AFF4: variants seen among roughly 807,000 people sequenced by gnomAD.
AFF4 encodes the protein ALF transcription elongation factor 4, also known as AF4/FMR2 family member 4.
A neutral mutation model predicts 124.8 loss-of-function variants in AFF4; 13 were observed. The ratio of observed to expected loss-of-function variants is 0.10; its 90% confidence interval spans 0.07 to 0.17. The LOEUF (loss-of-function observed/expected upper bound fraction) is 0.17, where lower values mean the gene tolerates loss of function less well. Among genes scored for constraint, AFF4 ranks in the 10% least tolerant of loss-of-function variants. AFF4 has a pLI of 1.00. For synonymous variants in AFF4, 477 were observed against 496.1 expected (o/e 0.96, Z 0.51); for missense variants, 1,092 against 1,403.8 (o/e 0.78, Z 3.55).
intron 5 of AFF4, chr5:132,926,123 GAAC>G: frequency 3.2e-6 from 1 of 315,672 alleles, no homozygotes; most frequent in Non-Finnish European, 6.4e-6. Flanking sequence ...GAAAGATACA[GAAC>G]AATATATTTG....
intron 7 of AFF4, chr5:132,901,066 G>C: frequency 1.0e-6 from 1 of 985,282 alleles, no homozygotes; most frequent in Non-Finnish European, 1.2e-6. Context: ...CAATTAAACA[G>C]AACAGGGAAA....
intron 19 of AFF4, among the ~76,000 whole-genome samples, chr5:132,883,887 C>T (rs536256727): frequency 2.6e-5 from 4 of 152,240 alleles, no homozygotes; most frequent in East Asian, 3.9e-4. Context: ...TCCATCTGTT[C>T]GGGCATATAA....
At chr5:132,908,770 A>C (rs1043161331) in intron 5 of AFF4, among the ~76,000 whole-genome samples, 1 of 100,844 alleles carries the variant, frequency 9.9e-6, no homozygotes, top group Non-Finnish European at 2.0e-5. Flanking sequence ...ATATATATAT[A>C]TATATATTTT....
Position 132,934,686 on chromosome 5 carries a change from A to G in AFF4, c.379T>C (p.Leu127=). ...TSQSQKRSSG[L]QSGHSSQRTS... is the part of the protein sequence containing the mutation. ...CGCTGGCTACTATGTCCACTCTGTA[A>G]GCCTGAGGACCGTTTCTGAGACTGA... The change falls in exon 3 of 21, where the codon TTA becomes CTA. Residue 127 remains leucine (L), a synonymous_variant. Coordinates refer to ENST00000265343, the MANE Select transcript of AFF4 (RefSeq NM_014423.4). 1 of 1,614,130 alleles carries G rather than the reference A, an allele frequency of 6.2e-7. No homozygotes were observed. Among genetic ancestry groups the G allele is most frequent in the Non-Finnish European group, 8.5e-7 (1 of 1,180,024 alleles).
At chr5:132,915,167 C>G (rs1180371636) in intron 5 of AFF4, among the ~76,000 whole-genome samples, 2 of 152,076 alleles carry the variant, frequency 1.3e-5, no homozygotes, top group East Asian at 3.9e-4. Flanking sequence ...CAGTGAAACC[C>G]TGTCTCTACT....
At chr5:132,927,326 T>A in intron 4 of AFF4, 119 bp from the exon 5 acceptor site, 1 of 786,032 alleles carries the variant, frequency 1.3e-6, no homozygotes, top group East Asian at 2.8e-5. Context: ...AAATTCTACA[T>A]ACTTAGTCAA....
intron 1 of AFF4, among the ~76,000 whole-genome samples, chr5:132,961,755 G>A (rs545398855): frequency 1.3e-5 from 2 of 152,110 alleles, no homozygotes; most frequent in East Asian, 1.9e-4. Context: ...CCCACTTGAA[G>A]CAAAATTTTA....
At chr5:132,933,818 C>A (rs1761356337) in intron 3 of AFF4, among the ~76,000 whole-genome samples, 1 of 152,046 alleles carries the variant, frequency 6.6e-6, no homozygotes, top group Non-Finnish European at 1.5e-5. Context: ...TGTTTTTAAA[C>A]AACAACAAAG....
At chr5:132,959,720 T>G (rs1762038004) in intron 1 of AFF4, among the ~76,000 whole-genome samples, 1 of 151,098 alleles carries the variant, frequency 6.6e-6, no homozygotes, top group Admixed American at 6.6e-5. Flanking sequence ...CCAAGAAGGG[T>G]ATGTATAGGG....
chr5:132,899,792 G>C (rs1041334366), intron 7 of AFF4, 151 bp from the exon 8 acceptor site: 2 of 571,246 alleles, frequency 3.5e-6, no homozygotes, highest in Admixed American at 3.0e-5. Flanking sequence ...TATTCTATCT[G>C]GTTTGGTTCA....
chr5:132,892,031 A>T, intron 13 of AFF4, 133 bp downstream of exon 13: 1 of 1,310,816 alleles, frequency 7.6e-7, no homozygotes, highest in Non-Finnish European at 1.1e-6. Context: ...GGATTATTAC[A>T]TATAGAGGGT....
intron 1 of AFF4, among the ~76,000 whole-genome samples, chr5:132,953,263 CA>C (rs1415659534): frequency 1.3e-5 from 2 of 151,706 alleles, no homozygotes; most frequent in Non-Finnish European, 2.9e-5. Flanking sequence ...TTTTTAGAGA[CA>C]GGGTCTCAGT....
intron 1 of AFF4, among the ~76,000 whole-genome samples, chr5:132,948,253 G>C (rs1426057250): frequency 6.6e-6 from 1 of 152,190 alleles, no homozygotes; most frequent in East Asian, 1.9e-4. Flanking sequence ...GTTTCACCAT[G>C]TTGGCCAAGA....
intron 18 of AFF4, 53 bp from the exon 19 acceptor site, chr5:132,885,172 A>G: frequency 7.3e-7 from 1 of 1,376,736 alleles, no homozygotes; most frequent in South Asian, 1.3e-5. Flanking sequence ...CACTACTTTA[A>G]GAAGTTCTAA....
At chr5:132,956,397 A>G (rs1452568187) in intron 1 of AFF4, among the ~76,000 whole-genome samples, 1 of 152,056 alleles carries the variant, frequency 6.6e-6, no homozygotes, top group East Asian at 1.9e-4. Flanking sequence ...TTGGAAGGCT[A>G]AGGCAGGTGG....
At chr5:132,881,987 T>C (rs1759993714) in intron 20 of AFF4, among the ~76,000 whole-genome samples, 1 of 152,034 alleles carries the variant, frequency 6.6e-6, no homozygotes. Context: ...TTTTTATAAA[T>C]ACAGCTTTAT....
chr5:132,885,115 G>T lies in AFF4; in HGVS notation c.3104C>A (p.Ser1035Tyr). 6.3e-7 allele frequency: 1 copy of T among 1,592,804 alleles called. No homozygotes were observed. Among genetic ancestry groups the T allele is most frequent in the Non-Finnish European group, 8.5e-7 (1 of 1,170,276 alleles). ...CGATGGTGCTTGAGAATTATTATAA[G>T]AATTCTGTGGAAAAAGTAAAATGTA... The part of the protein sequence containing the change: ...SKTLTEHLKN[S>Y]YNNSQAPSPG... The change falls in exon 19 of 21, where the codon TCT (serine) becomes TAT (tyrosine). Residue 1035 changes from serine to tyrosine, a missense_variant. Around this residue, in one of 11 missense-constraint regions of AFF4, gnomAD observed 173 missense variants for 294.9 expected, o/e 0.59. Coordinates refer to ENST00000265343, the MANE Select transcript of AFF4 (RefSeq NM_014423.4).
At chr5:132,906,289 C>T (rs1015891417) in intron 5 of AFF4, among the ~76,000 whole-genome samples, 3 of 152,148 alleles carry the variant, frequency 2.0e-5, no homozygotes, top group East Asian at 1.9e-4. Flanking sequence ...AACATATGTC[C>T]ACACAAACAC....
intron 1 of AFF4, among the ~76,000 whole-genome samples, chr5:132,946,414 T>C (rs961994173): frequency 4.6e-5 from 7 of 152,182 alleles, no homozygotes; most frequent in Non-Finnish European, 1.0e-4. Flanking sequence ...ACAACCCAAA[T>C]GTCCATCAAC....
Sources: gnomAD v4.1 joint callset for allele counts (sites outside exome capture counted in the v4.1 genomes callset) on GRCh38, gnomAD v4.1.1 for gene constraint, gnomAD v4.1.1 regional missense constraint, MANE v1.5 for transcripts, NCBI Gene and HGNC (gene_info 2026-07-23, HGNC 2026-07-21) for gene names.